Variants in SETBP1 observed in about 807,000 individuals in gnomAD.
The protein encoded by SETBP1 is SET binding protein 1, also known as SET-binding protein.
In SETBP1, 9 loss-of-function variants were observed where a neutral mutation model predicts 101.0. The ratio of observed to expected loss-of-function variants is 0.09; its 90% CI spans 0.05 to 0.16. The LOEUF (loss-of-function observed/expected upper bound fraction) is 0.16, where lower values mean the gene tolerates loss of function less well. Among genes scored for constraint, SETBP1 ranks in the 10% least tolerant of loss-of-function variants. SETBP1 has a pLI of 1.00. For missense variants in SETBP1, 1,858 were observed against 2,033.8 expected, an observed-to-expected ratio of 0.91 and a Z score of 1.66; for synonymous variants, 818 against 788.5, an observed-to-expected ratio of 1.04 and a Z score of -0.63.
At chr18:44,816,103 CAGAGGGGG>C (rs2071969392) in intron 2 of SETBP1, among the ~76,000 whole-genome samples, 1 of 152,086 alleles carries the variant, frequency 6.6e-6, no homozygotes, top group Admixed American at 6.5e-5. Context: ...GCCTGGGAGA[CAGAGGGGG>C]AGGTGAGGGA....
chr18:44,865,021 C>A (rs973767530), intron 2 of SETBP1, among the ~76,000 whole-genome samples: 44 of 152,230 alleles, frequency 2.9e-4, no homozygotes, highest in African/African-American at 1.0e-3. Context: ...GCCTCAATTT[C>A]CCCTGGATTT....
At chr18:44,892,177 C>T (rs1478398069) in intron 3 of SETBP1, among the ~76,000 whole-genome samples, 1 of 152,060 alleles carries the variant, frequency 6.6e-6, no homozygotes. Context: ...TGTTTGTTTG[C>T]TATTAAAGGG....
At chr18:44,712,950 CCT>C (rs1401242503) in intron 2 of SETBP1, among the ~76,000 whole-genome samples, 2 of 131,960 alleles carry the variant, frequency 1.5e-5, no homozygotes, top group Non-Finnish European at 1.5e-5. Context: ...TTTCAGCATC[CCT>C]CTTTTTTTTT....
At chr18:44,972,881 C>G (rs2071899896) in intron 4 of SETBP1, among the ~76,000 whole-genome samples, 2 of 152,196 alleles carry the variant, frequency 1.3e-5, no homozygotes, top group African/African-American at 4.8e-5. Context: ...CTTTTCCTGA[C>G]TGATTGCCCT....
chr18:44,717,622 A>G (rs1260244666), intron 2 of SETBP1, among the ~76,000 whole-genome samples: 1 of 152,180 alleles, frequency 6.6e-6, no homozygotes, highest in African/African-American at 2.4e-5. Flanking sequence ...CTTTATGGTG[A>G]TGAGAGAAAG....
chr18:44,787,629 T>C (rs931810939), intron 2 of SETBP1, among the ~76,000 whole-genome samples: 3 of 141,366 alleles, frequency 2.1e-5, no homozygotes, highest in Non-Finnish European at 3.1e-5. Context: ...CCGAGGCGGG[T>C]GGATCATGAG....
intron 3 of SETBP1, among the ~76,000 whole-genome samples, chr18:44,891,996 A>G (rs2069782793): frequency 6.6e-6 from 1 of 152,174 alleles, no homozygotes. Context: ...CCCAGACTCA[A>G]AAGTTGAGGG....
At chr18:44,706,501 T>A (rs2069221198) in intron 2 of SETBP1, among the ~76,000 whole-genome samples, 1 of 143,954 alleles carries the variant, frequency 6.9e-6, no homozygotes, top group African/African-American at 2.6e-5. Flanking sequence ...GGCAGGAGAA[T>A]CGCTTGAACC....
intron 4 of SETBP1, among the ~76,000 whole-genome samples, chr18:45,032,626 C>T (rs1303389756): frequency 6.6e-6 from 1 of 152,150 alleles, no homozygotes; most frequent in Non-Finnish European, 1.5e-5. Flanking sequence ...TTCACAGGTG[C>T]CTGGCATGGG....
At chr18:44,888,849 A>C (rs2069707097) in intron 3 of SETBP1, among the ~76,000 whole-genome samples, 3 of 152,190 alleles carry the variant, frequency 2.0e-5, no homozygotes, top group African/African-American at 7.2e-5. Context: ...CTTTAGTTTT[A>C]ATACCTTCTT....
chr18:45,038,357 A>T (rs1325986846), intron 4 of SETBP1, 128 bp from the exon 5 acceptor site: 1 of 898,786 alleles, frequency 1.1e-6, no homozygotes, highest in Admixed American at 2.0e-5. Flanking sequence ...TTTAAATTTC[A>T]TTCTTGTTGT....
chr18:44,786,450 G>T (rs2071240579), intron 2 of SETBP1, among the ~76,000 whole-genome samples: 1 of 152,148 alleles, frequency 6.6e-6, no homozygotes, highest in African/African-American at 2.4e-5. Flanking sequence ...ACCTAATTAT[G>T]GAACTACTGT....
intron 2 of SETBP1, among the ~76,000 whole-genome samples, chr18:44,796,854 C>A (rs2071488656): frequency 6.6e-6 from 1 of 152,172 alleles, no homozygotes; most frequent in African/African-American, 2.4e-5. Context: ...CATACACACA[C>A]CACTTTTATC....
intron 3 of SETBP1, among the ~76,000 whole-genome samples, chr18:44,911,599 T>G (rs1158896251): frequency 6.6e-6 from 1 of 152,226 alleles, no homozygotes; most frequent in Admixed American, 6.5e-5. Flanking sequence ...GGCCACCCTC[T>G]GGGTGTCTCA....
At chr18:44,875,506 C>T (rs1289425147) in intron 3 of SETBP1, among the ~76,000 whole-genome samples, 1 of 110,294 alleles carries the variant, frequency 9.1e-6, no homozygotes, top group Non-Finnish European at 1.7e-5. Flanking sequence ...TCCAGCCTGG[C>T]AAGAGAGCAA....
At chr18:44,686,492 T>C (rs976428021) in intron 1 of SETBP1, among the ~76,000 whole-genome samples, 2 of 152,182 alleles carry the variant, frequency 1.3e-5, no homozygotes, top group Non-Finnish European at 2.9e-5. Context: ...TCATCCCCAG[T>C]TCCCAGAGCA....
intron 4 of SETBP1, among the ~76,000 whole-genome samples, chr18:44,973,871 A>G (rs1371087674): frequency 3.3e-5 from 5 of 152,122 alleles, no homozygotes; most frequent in Non-Finnish European, 5.9e-5. Context: ...TACCACACAA[A>G]GGTTTTAAGC....
intron 4 of SETBP1, among the ~76,000 whole-genome samples, chr18:45,024,229 A>G (rs1486444773): frequency 1.3e-5 from 2 of 152,154 alleles, no homozygotes; most frequent in Non-Finnish European, 2.9e-5. Flanking sequence ...TAGGGATTTC[A>G]TTTGGAAGGC....
chr18:44,893,424 A>G (rs1183858756), intron 3 of SETBP1, among the ~76,000 whole-genome samples: 2 of 152,124 alleles, frequency 1.3e-5, no homozygotes, highest in Non-Finnish European at 2.9e-5. Context: ...AAATTCACAC[A>G]ATTTGTAACT....
Sources: allele counts gnomAD v4.1 joint callset (sites outside exome capture counted in the v4.1 genomes callset), GRCh38; gene constraint gnomAD v4.1.1; transcripts MANE v1.5; gene names NCBI Gene and HGNC (gene_info 2026-07-23, HGNC 2026-07-21).